PLCB1: variants seen among roughly 807,000 people sequenced by gnomAD.
The protein encoded by PLCB1 is phospholipase C beta 1, also known as 1-phosphatidylinositol 4,5-bisphosphate phosphodiesterase beta-1.
PLCB1 carries 46 observed loss-of-function variants against 161.8 expected under a neutral mutation model. The observed-to-expected ratio is 0.28, with a 90% CI of 0.22 to 0.36. PLCB1 has a LOEUF of 0.36. Among genes scored for constraint, PLCB1 ranks in the 10% least tolerant of loss-of-function variants. The pLI is 1.00. For missense variants in PLCB1, 1,016 were observed against 1,472.5 expected (o/e 0.69, Z 5.07); for synonymous variants, 517 against 503.7 (o/e 1.03, Z -0.35).
chr20:8,524,003 T>C (rs893518722), intron 3 of PLCB1, among the ~76,000 whole-genome samples: 3 of 152,088 alleles, frequency 2.0e-5, no homozygotes, highest in African/African-American at 4.8e-5. Flanking sequence ...GATTTTAAAA[T>C]ACCAAAAAGC....
intron 3 of PLCB1, among the ~76,000 whole-genome samples, chr20:8,445,182 C>A (rs1032819062): frequency 6.6e-5 from 10 of 152,128 alleles, no homozygotes; most frequent in African/African-American, 2.4e-4. Flanking sequence ...GGTTTTAGGT[C>A]TGACATTTAA....
At chr20:8,690,999 A>G (rs1990465275) in intron 10 of PLCB1, among the ~76,000 whole-genome samples, 1 of 152,202 alleles carries the variant, frequency 6.6e-6, no homozygotes, top group African/African-American at 2.4e-5. Flanking sequence ...CCTGCAAGGA[A>G]ATTAAGGAGA....
chr20:8,393,517 G>T (rs1388501890), intron 3 of PLCB1, among the ~76,000 whole-genome samples: 1 of 152,050 alleles, frequency 6.6e-6, no homozygotes, highest in Non-Finnish European at 1.5e-5. Flanking sequence ...GGATGCAGTG[G>T]TGCATGCCTG....
intron 2 of PLCB1, among the ~76,000 whole-genome samples, chr20:8,320,513 C>A (rs916141361): frequency 2.0e-5 from 3 of 152,310 alleles, no homozygotes; most frequent in African/African-American, 7.2e-5. Context: ...AAGCTCCAGG[C>A]TCAGAACCCT....
chr20:8,392,442 A>G (rs1987636858), intron 3 of PLCB1, among the ~76,000 whole-genome samples: 1 of 152,156 alleles, frequency 6.6e-6, no homozygotes, highest in East Asian at 1.9e-4. Context: ...TTATAGTAGC[A>G]CACATAGACT....
intron 3 of PLCB1, among the ~76,000 whole-genome samples, chr20:8,482,509 G>A (rs1026463692): frequency 6.6e-5 from 10 of 152,118 alleles, no homozygotes; most frequent in African/African-American, 2.4e-4. Context: ...TGCATAAAAG[G>A]ATATTTCTTT....
Position 8,682,792 on chromosome 20 carries a change from A to G in PLCB1, c.863-2140A>G, listed in dbSNP as rs1990253793. Among the ~76,000 whole-genome samples the G allele has an allele frequency of 2.0e-5, 3 of 152,340 alleles. No homozygotes were observed. In the South Asian group the frequency reaches 6.2e-4, roughly 32 times the overall value. On this transcript the variant is annotated intron_variant, in intron 9 of 31. Transcript: ENST00000338037. ...TTTTATATACCATTGGTGAAAGTCA[A>G]TTGCTAGGACTTTAACAGAAAGAAA...
Position 8,548,474 on chromosome 20 carries a change from A to G in PLCB1, c.247-79820A>G, listed in dbSNP as rs1012708438. Reference sequence around the variant, plus strand: ...CATTAATTTGTTCTTTCTTTCCATCATCTATCTTTCTATCCTTCCTTCCTT... The same window carrying G: ...CATTAATTTGTTCTTTCTTTCCATCGTCTATCTTTCTATCCTTCCTTCCTT... On this transcript the variant is annotated intron_variant, in intron 3 of 31. Coordinates refer to ENST00000338037, the MANE Select transcript of PLCB1 (RefSeq NM_015192.4). Among the ~76,000 whole-genome samples the G allele has an allele frequency of 5.7e-4, 61 of 107,644 alleles. 1 individual carries two copies. The Admixed American group carries it at 6.4e-3, about 11-fold the overall frequency. 70.6% of individuals were successfully genotyped at this position (107,644 alleles called of 152,430 possible). A position where few individuals can be genotyped will look rare whatever the true frequency, so the allele number is the denominator to read the frequency against.
intron 1 of PLCB1, among the ~76,000 whole-genome samples, chr20:8,146,969 A>C (rs1156600412): frequency 6.6e-6 from 1 of 152,240 alleles, no homozygotes; most frequent in Non-Finnish European, 1.5e-5. Context: ...AAAAAATACA[A>C]CTTTAAGTAA....
chr20:8,325,862 G>C (rs563683369), intron 2 of PLCB1, among the ~76,000 whole-genome samples: 1 of 152,142 alleles, frequency 6.6e-6, no homozygotes, highest in Non-Finnish European at 1.5e-5. Flanking sequence ...AGGATGAAAG[G>C]CTTGACTTCA....
intron 2 of PLCB1, among the ~76,000 whole-genome samples, chr20:8,260,956 G>A (rs138843743): frequency 2.6e-5 from 4 of 152,002 alleles, no homozygotes; most frequent in African/African-American, 7.3e-5. Context: ...CATGGTCAGC[G>A]ACCGAAAAAT....
chr20:8,283,484 G>T (rs915489698), intron 2 of PLCB1, among the ~76,000 whole-genome samples: 1 of 150,286 alleles, frequency 6.7e-6, no homozygotes, highest in Non-Finnish European at 1.5e-5. Context: ...AATAATAAAT[G>T]CTCTAACATT....
intron 2 of PLCB1, among the ~76,000 whole-genome samples, chr20:8,171,877 A>G (rs1439394383): frequency 1.3e-5 from 2 of 152,214 alleles, no homozygotes. Flanking sequence ...CCTATAGGGT[A>G]GCACTTCCTT....
rs928783139 is a variant in PLCB1, at chr20:8,406,477, G to T, written c.246+35027G>T. Among the ~76,000 whole-genome samples the T allele has an allele frequency of 3.3e-5, 5 of 152,154 alleles. 1 individual carries two copies. The highest frequency in any genetic ancestry group is 1.2e-4 in the African/African-American group (5 of 41,432). Reference sequence around the variant, plus strand: ...TTTCAACACATAATAATTTCAAGATGAAATTATTGTGAATTGAAAAGCAAC... The same window carrying T: ...TTTCAACACATAATAATTTCAAGATTAAATTATTGTGAATTGAAAAGCAAC... On this transcript the variant is annotated intron_variant, in intron 3 of 31. Transcript: ENST00000338037.
At chr20:8,376,754 C>G (rs906063302) in intron 3 of PLCB1, among the ~76,000 whole-genome samples, 2 of 151,922 alleles carry the variant, frequency 1.3e-5, no homozygotes, top group Non-Finnish European at 2.9e-5. Flanking sequence ...CAGTGAAACC[C>G]CGTCTCTACT....
chr20:8,741,668 A>AGCACATTG lies in PLCB1; in HGVS notation c.2523+96_2523+97insCACATTGG, dbSNP rs1980888386. On this transcript the variant is annotated intron_variant, in intron 23 of 31. Transcript: ENST00000338037. ...AAGTAATATCACATACCTTGGGAGA[A>AGCACATTG]GGAATAGCACATTGGAACAACACTT... is the stretch of plus-strand genomic sequence containing the variant. 2.1e-5 allele frequency: 15 copies of AGCACATTG among 728,802 alleles called. No homozygotes were observed. The Admixed American group carries it at 3.1e-4, about 15-fold the overall frequency. 45.1% of individuals were successfully genotyped at this position (728,802 alleles called of 1,614,324 possible).
rs1555768748 is a variant in PLCB1, at chr20:8,539,645, T to TTTCTTTCC, written c.247-88642_247-88641insCTTCTTTC. ...CTTTCTTTCTTTCTTTCTTTCTTTC[T>TTTCTTTCC]TTCTTTCTTTCTTTCTTTCTTTCTT... On this transcript the variant is annotated intron_variant, in intron 3 of 31. Transcript: ENST00000338037. Among the ~76,000 whole-genome samples, 131 of 63,588 alleles carry TTTCTTTCC rather than the reference T, an allele frequency of 2.1e-3. 2 individuals are homozygous for TTTCTTTCC. The highest frequency in any genetic ancestry group is 7.5e-3 in the African/African-American group (128 of 17,172). The allele number at this position is 63,588 out of a possible 152,430, so 41.7% of individuals were successfully genotyped here.
chr20:8,429,062 T>C (rs1404026013), intron 3 of PLCB1, among the ~76,000 whole-genome samples: 1 of 152,164 alleles, frequency 6.6e-6, no homozygotes, highest in African/African-American at 2.4e-5. Context: ...AGGTTTATTG[T>C]ATGCACGCAA....
chr20:8,292,166 G>A (rs1983413662), intron 2 of PLCB1, among the ~76,000 whole-genome samples: 1 of 152,118 alleles, frequency 6.6e-6, no homozygotes, highest in African/African-American at 2.4e-5. Context: ...GAGCCTGACT[G>A]AAGAAAGAAA....
Sources: allele counts gnomAD v4.1 joint callset (sites outside exome capture counted in the v4.1 genomes callset), GRCh38; gene constraint gnomAD v4.1.1; transcripts MANE v1.5; gene names NCBI Gene and HGNC (gene_info 2026-07-23, HGNC 2026-07-21).